PEX14: variants seen among roughly 807,000 people sequenced by gnomAD.
The protein encoded by PEX14 is peroxisomal membrane protein PEX14.
In PEX14, 15 loss-of-function variants were observed where a neutral mutation model predicts 49.5. That is an observed-to-expected ratio of 0.30 (90% CI 0.20 to 0.47). The LOEUF (loss-of-function observed/expected upper bound fraction) is 0.47, where lower values mean the gene tolerates loss of function less well. Among genes scored for constraint, PEX14 ranks in the 20% least tolerant of loss-of-function variants. The pLI, the probability that PEX14 is intolerant of heterozygous loss-of-function variation, is 1.00. For synonymous variants in PEX14, 210 were observed against 212.7 expected (o/e 0.99, Z 0.11); for missense variants, 398 against 494.8 (o/e 0.80, Z 1.86).
chr1:10,497,526 A>G (rs1490226647), intron 2 of PEX14, among the ~76,000 whole-genome samples: 2 of 152,238 alleles, frequency 1.3e-5, no homozygotes, highest in Non-Finnish European at 2.9e-5. Context: ...CACGTGTTTT[A>G]CTTTGGGAAG....
At chr1:10,476,823 C>T (rs905464850) in intron 1 of PEX14, among the ~76,000 whole-genome samples, 4 of 152,060 alleles carry the variant, frequency 2.6e-5, no homozygotes, top group African/African-American at 9.7e-5. Flanking sequence ...ATTTAATTTG[C>T]CAGTGCTGTA....
At chr1:10,530,676 GC>G (rs1638624513) in intron 2 of PEX14, among the ~76,000 whole-genome samples, 1 of 152,252 alleles carries the variant, frequency 6.6e-6, no homozygotes, top group Non-Finnish European at 1.5e-5. Flanking sequence ...CTCTTACCTG[GC>G]TATTGGGCCC....
intron 3 of PEX14, among the ~76,000 whole-genome samples, chr1:10,565,438 A>T (rs4845936): frequency 0.24 from 36,080 of 151,936 alleles, 4,726 homozygotes; most frequent in East Asian, 0.33. Flanking sequence ...AAAGAACCTA[A>T]AGTTCTTCAT....
chr1:10,563,169 G>A (rs984655967), intron 3 of PEX14, among the ~76,000 whole-genome samples: 2 of 149,496 alleles, frequency 1.3e-5, no homozygotes, highest in Non-Finnish European at 3.0e-5. Context: ...ACTGACCTTG[G>A]CCTCCCAAAG....
At chr1:10,510,007 C>T (rs1641855542) in intron 2 of PEX14, among the ~76,000 whole-genome samples, 1 of 152,118 alleles carries the variant, frequency 6.6e-6, no homozygotes, top group Non-Finnish European at 1.5e-5. Context: ...ATCACTGACC[C>T]ACCAATTATA....
At chr1:10,584,084 C>T (rs1228728206) in intron 3 of PEX14, among the ~76,000 whole-genome samples, 1 of 151,750 alleles carries the variant, frequency 6.6e-6, no homozygotes, top group Non-Finnish European at 1.5e-5. Flanking sequence ...GGAGACTAGT[C>T]TAGTGTTGAG....
chr1:10,478,701 C>T (rs925500709), intron 1 of PEX14, among the ~76,000 whole-genome samples: 8 of 151,958 alleles, frequency 5.3e-5, no homozygotes, highest in African/African-American at 1.9e-4. Context: ...GTCTCAGCCT[C>T]CTGAGTAACC....
rs187093273 is a variant in PEX14 at position 10,583,928 on chromosome 1, A to T, written c.170-15310A>T. Among the ~76,000 whole-genome samples the T allele has an allele frequency of 7.9e-5, 12 of 151,762 alleles. No individual in the cohort carries two copies. In the East Asian group the frequency reaches 1.1e-3, roughly 13 times the overall value. On this transcript the variant is annotated intron_variant, in intron 3 of 8. Transcript: ENST00000356607. ...AGTGAGACACGAGGTCACAGCATTCACAGGGAGTAAGGTTGTGTAGGGCAA... is the reference window on the plus strand; with the variant it reads ...AGTGAGACACGAGGTCACAGCATTCTCAGGGAGTAAGGTTGTGTAGGGCAA...
intron 7 of PEX14, among the ~76,000 whole-genome samples, chr1:10,624,643 G>A (rs1641693420): frequency 6.6e-6 from 1 of 152,180 alleles, no homozygotes; most frequent in African/African-American, 2.4e-5. Context: ...ACGTTTAACT[G>A]TCGAGGCCAT....
chr1:10,530,805 GTCTT>G (rs1288404070), intron 2 of PEX14, among the ~76,000 whole-genome samples: 1 of 152,134 alleles, frequency 6.6e-6, no homozygotes, highest in Non-Finnish European at 1.5e-5. Context: ...TGCTTTTTTA[GTCTT>G]TCTTTTCATT....
intron 1 of PEX14, among the ~76,000 whole-genome samples, chr1:10,478,844 C>G (rs1343044837): frequency 1.3e-5 from 2 of 151,668 alleles, no homozygotes; most frequent in African/African-American, 4.8e-5. Flanking sequence ...CTCTCGGGTT[C>G]GAACCATTCT....
chr1:10,628,261 A>G lies in PEX14; in HGVS notation c.677+898A>G, dbSNP rs1403243011. Among the ~76,000 whole-genome samples the G allele has an allele frequency of 1.3e-5, 2 of 152,234 alleles. No homozygotes were observed. Among genetic ancestry groups the G allele is most frequent in the Admixed American group, 6.5e-5 (1 of 15,288 alleles). ...TCTGGTTTTTTAAAACTGAAAGTCC[A>G]GTGTCCAGGAGCCACTCTGTCCTGG... On this transcript the variant is annotated intron_variant, in intron 8 of 8. Transcript: ENST00000356607. The surrounding 1 kb of genome is among the most constrained non-coding windows in gnomAD (Gnocchi z 4.5).
intron 3 of PEX14, among the ~76,000 whole-genome samples, chr1:10,576,991 C>T (rs1310655272): frequency 6.6e-6 from 1 of 151,972 alleles, no homozygotes; most frequent in African/African-American, 2.4e-5. Context: ...GTCCACCTGC[C>T]TCAGCCTCCT....
intron 2 of PEX14, among the ~76,000 whole-genome samples, chr1:10,505,704 G>A (rs1216962395): frequency 7.0e-6 from 1 of 142,194 alleles, no homozygotes; most frequent in Non-Finnish European, 1.5e-5. Context: ...TTTTTGAGAC[G>A]GAGTCTTGCT....
At chr1:10,489,200 C>T (rs966780617) in intron 1 of PEX14, among the ~76,000 whole-genome samples, 3 of 151,960 alleles carry the variant, frequency 2.0e-5, no homozygotes, top group African/African-American at 4.8e-5. Context: ...AGGCTAGTCT[C>T]GAACTCGTGA....
intron 3 of PEX14, among the ~76,000 whole-genome samples, chr1:10,542,792 G>A (rs951675257): frequency 1.3e-5 from 2 of 152,060 alleles, no homozygotes; most frequent in Non-Finnish European, 2.9e-5. Flanking sequence ...CAAAAAATTA[G>A]CCCCAAATTT....
At position 10,627,172 on chromosome 1, in the gene PEX14, A is replaced by G; in HGVS notation, c.586-100A>G. The stretch of plus-strand genomic sequence containing the variant: ...CCCGGGTTCCCCAGAACAGACCCAG[A>G]AGGCCCCACCTGCTGCCCCCACCCA... On this transcript the variant is annotated intron_variant, in intron 7 of 8. Transcript: ENST00000356607. 7.4e-6 allele frequency: 6 copies of G among 809,016 alleles called. No individual in the cohort carries two copies. The Admixed American group carries it at 1.0e-4, about 14-fold the overall frequency. The allele number at this position is 809,016 out of a possible 1,614,324, so 50.1% of individuals were successfully genotyped here. A position where few individuals can be genotyped will look rare whatever the true frequency, so the allele number is the denominator to read the frequency against.
intron 4 of PEX14, among the ~76,000 whole-genome samples, chr1:10,599,975 C>T (rs1204261277): frequency 6.6e-6 from 1 of 152,144 alleles, no homozygotes; most frequent in East Asian, 1.9e-4. Flanking sequence ...ATGAAAGCTA[C>T]TATAGGAATA....
Position 10,494,592 on chromosome 1 carries a change from C to G in PEX14, c.37-682C>G, listed in dbSNP as rs1000296705. On this transcript the variant is annotated intron_variant, in intron 1 of 8. Transcript: ENST00000356607. The surrounding 1 kb of genome is among the most constrained non-coding windows in gnomAD (Gnocchi z 4.3). ...GTGGCCCCAAGGAAGAGGAAACGGG[C>G]TAGAGCCAGGGCCTCGGCCACAGTG... 6.6e-6 allele frequency among the ~76,000 whole-genome samples: 1 copy of G among 152,244 alleles called. No homozygotes were observed. The highest frequency in any genetic ancestry group is 2.4e-5 in the African/African-American group (1 of 41,468).
Sources: allele counts gnomAD v4.1 joint callset (sites outside exome capture counted in the v4.1 genomes callset), GRCh38; gene constraint gnomAD v4.1.1; non-coding constraint Gnocchi (gnomAD v3.1); transcripts MANE v1.5; gene names NCBI Gene and HGNC (gene_info 2026-07-23, HGNC 2026-07-21).